The following MRPS27 variants were observed in gnomAD, a reference collection of about 807,000 sequenced individuals.
MRPS27 encodes mitochondrial ribosomal protein S27, also known as small ribosomal subunit protein mS27.
A neutral mutation model predicts 48.9 loss-of-function variants in MRPS27; 43 were observed. That is an observed-to-expected ratio of 0.88 (90% CI 0.69 to 1.13). MRPS27 has a LOEUF of 1.13. Among genes scored for constraint, MRPS27 ranks in the 50% most tolerant of loss-of-function variants. MRPS27 has a pLI of 0.00. For missense variants in MRPS27, 467 were observed against 476.3 expected (o/e 0.98, Z 0.18); for synonymous variants, 188 against 171.9 (o/e 1.09, Z -0.73).
chr5:72,251,214 C>G (rs763087960), intron 4 of MRPS27, among the ~76,000 whole-genome samples: 3 of 152,130 alleles, frequency 2.0e-5, no homozygotes, highest in Non-Finnish European at 4.4e-5. Context: ...GGATGGAATA[C>G]AGTAGGAAGA....
At chr5:72,222,225 C>T (rs1747762911) in intron 10 of MRPS27, among the ~76,000 whole-genome samples, 1 of 152,212 alleles carries the variant, frequency 6.6e-6, no homozygotes, top group Non-Finnish European at 1.5e-5. Flanking sequence ...TGACAACGCT[C>T]TCCATGTGGG....
chr5:72,249,808 C>T (rs765811409), intron 4 of MRPS27, among the ~76,000 whole-genome samples: 15 of 151,994 alleles, frequency 9.9e-5, no homozygotes, highest in African/African-American at 2.9e-4. Context: ...GGTGAAACCC[C>T]GTCTCTACTA....
In MRPS27 at chr5:72,320,204, C is replaced by T. The variant is rs1210590140; in HGVS notation, c.18G>A (p.Val6=). ...GCCGCGCCAGGAGCATCCCGCGCCG[C>T]ACTATGGAGGCAGCCATCTTGGAGC... MAASI[V]RRGMLLARQV... The change falls in exon 1 of 11, where the codon GTG becomes GTA. Residue 6 remains valine (V), a synonymous_variant. Transcript: ENST00000261413. 2.2e-5 allele frequency: 36 copies of T among 1,613,806 alleles called. No homozygotes were observed. Among genetic ancestry groups the T allele is most frequent in the Non-Finnish European group, 2.9e-5 (34 of 1,179,876 alleles).
chr5:72,249,627 G>T (rs1748603593), intron 4 of MRPS27, among the ~76,000 whole-genome samples: 2 of 152,110 alleles, frequency 1.3e-5, no homozygotes, highest in Admixed American at 1.3e-4. Context: ...AGAGGTTGCA[G>T]TGAGCCAAGA....
At chr5:72,305,691 C>T (rs569583130) in intron 2 of MRPS27, among the ~76,000 whole-genome samples, 2 of 152,294 alleles carry the variant, frequency 1.3e-5, no homozygotes, top group South Asian at 4.1e-4. Context: ...CCTGAGTGCT[C>T]GCTCCTTGTC....
chr5:72,307,859 T>C (rs1184509332), intron 2 of MRPS27: 4 of 152,234 alleles, frequency 2.6e-5, no homozygotes, highest in East Asian at 1.9e-4. Flanking sequence ...ATGTATATTA[T>C]ACTCCAATAA....
chr5:72,261,632 A>G (rs1748980578), intron 4 of MRPS27, among the ~76,000 whole-genome samples: 1 of 152,216 alleles, frequency 6.6e-6, no homozygotes, highest in Non-Finnish European at 1.5e-5. Context: ...ATACTTTCAG[A>G]AGCAATGGCT....
At chr5:72,236,415 C>A (rs898533125) in intron 5 of MRPS27, among the ~76,000 whole-genome samples, 1 of 152,098 alleles carries the variant, frequency 6.6e-6, no homozygotes, top group African/African-American at 2.4e-5. Flanking sequence ...GGGGCTACAG[C>A]CTGGATCTTC....
chr5:72,292,079 T>C (rs1303255571), intron 4 of MRPS27, among the ~76,000 whole-genome samples: 5 of 152,176 alleles, frequency 3.3e-5, no homozygotes, highest in African/African-American at 1.2e-4. Context: ...AAGTTTTCTT[T>C]ATTTGTCACA....
intron 4 of MRPS27, among the ~76,000 whole-genome samples, chr5:72,278,638 C>A (rs1346892232): frequency 6.6e-6 from 1 of 152,026 alleles, no homozygotes; most frequent in African/African-American, 2.4e-5. Flanking sequence ...TTTTTATACC[C>A]TTCACTTTAT....
rs115571530 is a variant in MRPS27, at chr5:72,281,508, T to C, written c.281+14023A>G. Among the ~76,000 whole-genome samples the C allele has an allele frequency of 6.0e-3, 911 of 152,322 alleles. 1 individual carries two copies. Among genetic ancestry groups the C allele is most frequent in the Non-Finnish European group, 9.9e-3 (670 of 68,014 alleles). ...CCTGAATAGGTAAAACAAAATTTTA[T>C]AGATGGGTCAGAGAGATCACATTCA... On this transcript the variant is annotated intron_variant, in intron 4 of 10. Coordinates refer to ENST00000261413, the MANE Select transcript of MRPS27 (RefSeq NM_015084.3).
At chr5:72,291,954 G>A (rs1749831024) in intron 4 of MRPS27, among the ~76,000 whole-genome samples, 1 of 152,198 alleles carries the variant, frequency 6.6e-6, no homozygotes, top group Non-Finnish European at 1.5e-5. Context: ...ATCTGTGCAA[G>A]AGCACACCTA....
intron 4 of MRPS27, among the ~76,000 whole-genome samples, chr5:72,266,173 C>A (rs1273255405): frequency 6.6e-6 from 1 of 152,024 alleles, no homozygotes; most frequent in Non-Finnish European, 1.5e-5. Flanking sequence ...AACAGTGAGG[C>A]ATGATAATTT....
chr5:72,311,171 A>G (rs1205189390), intron 2 of MRPS27, among the ~76,000 whole-genome samples: 2 of 152,210 alleles, frequency 1.3e-5, no homozygotes, highest in Non-Finnish European at 2.9e-5. Context: ...ATAGTAAAGT[A>G]TTATATTAAT....
intron 4 of MRPS27, among the ~76,000 whole-genome samples, chr5:72,260,855 T>C (rs1037905271): frequency 6.6e-6 from 1 of 152,084 alleles, no homozygotes; most frequent in Non-Finnish European, 1.5e-5. Context: ...ACTAAATCAT[T>C]TACATTAATT....
At chr5:72,305,345 G>A (rs1750232654) in intron 2 of MRPS27, among the ~76,000 whole-genome samples, 1 of 152,058 alleles carries the variant, frequency 6.6e-6, no homozygotes, top group African/African-American at 2.4e-5. Context: ...ATCTCCATCA[G>A]GCCTCAAGAG....
intron 4 of MRPS27, chr5:72,241,822 G>A (rs1748358855): frequency 1.3e-6 from 1 of 769,226 alleles, no homozygotes; most frequent in Non-Finnish European, 2.1e-6. Flanking sequence ...CACTGTAGGA[G>A]TCCCCTCTGT....
chr5:72,224,638 T>C (rs1747845745), intron 9 of MRPS27, among the ~76,000 whole-genome samples: 1 of 152,216 alleles, frequency 6.6e-6, no homozygotes, highest in African/African-American at 2.4e-5. Context: ...CAGAAAGATT[T>C]TTAGCTCACA....
chr5:72,275,011 A>T (rs534443485), intron 4 of MRPS27, among the ~76,000 whole-genome samples: 23 of 152,306 alleles, frequency 1.5e-4, no homozygotes, highest in Middle Eastern at 6.8e-3. Context: ...TCAACACAGC[A>T]TTGGAAGTTC....
Sources: gnomAD v4.1 joint callset for allele counts (sites outside exome capture counted in the v4.1 genomes callset) on GRCh38, gnomAD v4.1.1 for gene constraint, MANE v1.5 for transcripts, NCBI Gene and HGNC (gene_info 2026-07-23, HGNC 2026-07-21) for gene names.